Variants in TICAM2 observed in about 807,000 individuals in gnomAD.
TICAM2 encodes the protein TIR domain containing adaptor molecule 2, also known as TIR domain-containing adapter molecule 2.
TICAM2 carries 8 observed loss-of-function variants against 7.3 expected under a neutral mutation model. That is an observed-to-expected ratio of 1.10 (90% CI 0.65 to 1.99). The LOEUF (loss-of-function observed/expected upper bound fraction) is 1.99. Ranked by LOEUF, TICAM2 falls within the 30% of genes most tolerant of loss-of-function variation. The pLI is 0.00. For synonymous variants in TICAM2, 113 were observed against 99.6 expected (o/e 1.13, Z -0.80); for missense variants, 304 against 278.8 (o/e 1.09, Z -0.65).
At chr5:115,588,148 G>A (rs1246131040) in intron 1 of TICAM2, among the ~76,000 whole-genome samples, 2 of 152,202 alleles carry the variant, frequency 1.3e-5, no homozygotes, top group Non-Finnish European at 2.9e-5. Context: ...GCAGGGTCAG[G>A]AGAGGCTTTC....
At chr5:115,588,165 A>G (rs1320546273) in intron 1 of TICAM2, among the ~76,000 whole-genome samples, 2 of 152,218 alleles carry the variant, frequency 1.3e-5, no homozygotes, top group Non-Finnish European at 1.5e-5. Flanking sequence ...TTTCATTAAG[A>G]GAAGATACTT....
chr5:115,584,906 G>A (rs1031675838), intron 1 of TICAM2, among the ~76,000 whole-genome samples: 3 of 151,840 alleles, frequency 2.0e-5, no homozygotes, highest in Non-Finnish European at 4.4e-5. Context: ...AACAGAAGAG[G>A]AATGAAAAAA....
rs1011692681 is a variant in TICAM2 at position 115,579,283 on chromosome 5, T to C, written c.*1266A>G. ...TGTTCCCTTTTGTGGTCCCTAGTTTTTCACATCCTCATAGAGGACAAAAGC... is the reference window on the plus strand; with the variant it reads ...TGTTCCCTTTTGTGGTCCCTAGTTTCTCACATCCTCATAGAGGACAAAAGC... On this transcript the variant is annotated 3_prime_UTR_variant, in exon 2 of 2. Coordinates refer to ENST00000427199, the MANE Select transcript of TICAM2 (RefSeq NM_021649.7). 2.0e-5 allele frequency: 3 copies of C among 152,676 alleles called. No individual in the cohort carries two copies. The highest frequency in any genetic ancestry group is 4.4e-5 in the Non-Finnish European group (3 of 68,046). The allele number at this position is 152,676 out of a possible 1,614,324, so 9.5% of individuals were successfully genotyped here. A position where few individuals can be genotyped will look rare whatever the true frequency, so the allele number is the denominator to read the frequency against.
chr5:115,599,348 T>C (rs1217410012), intron 1 of TICAM2, among the ~76,000 whole-genome samples: 2 of 152,146 alleles, frequency 1.3e-5, no homozygotes, highest in African/African-American at 2.4e-5. Flanking sequence ...GTGAACTGGA[T>C]ATTTTTCTTC....
rs1210440762 is a variant in TICAM2 at position 115,580,404 on chromosome 5, GA to G, written c.*144del. The G allele has an allele frequency of 2.7e-6, 3 of 1,106,342 alleles. No individual in the cohort carries two copies. In the African/African-American group the frequency reaches 5.0e-5, roughly 18 times the overall value. The allele number at this position is 1,106,342 out of a possible 1,614,324, so 68.5% of individuals were successfully genotyped here. A position where few individuals can be genotyped will look rare whatever the true frequency, so the allele number is the denominator to read the frequency against. On this transcript the variant is annotated 3_prime_UTR_variant, in exon 2 of 2. Coordinates refer to ENST00000427199, the MANE Select transcript of TICAM2 (RefSeq NM_021649.7). Reference sequence around the variant, plus strand: ...CCACAATTTTATAGGCTGTCCTGCAGAAATTTATCTTTCTTGTGCTCCATAG... The same window carrying G: ...CCACAATTTTATAGGCTGTCCTGCAGAATTTATCTTTCTTGTGCTCCATAG...
At chr5:115,595,881 A>G (rs1040460886) in intron 1 of TICAM2, among the ~76,000 whole-genome samples, 2 of 152,144 alleles carry the variant, frequency 1.3e-5, no homozygotes, top group African/African-American at 4.8e-5. Flanking sequence ...ATTTCCTTTT[A>G]TCTCCAAGTT....
Position 115,580,535 on chromosome 5 carries a change from TTA to T in TICAM2, c.*12_*13del, listed in dbSNP as rs745494483. ...TTACAAAACAAGAGCCAGCCACATG[TTA>T]TATGTTTCATCTCAGGCAATAAATT... is the stretch of plus-strand genomic sequence containing the variant. On this transcript the variant is annotated 3_prime_UTR_variant, in exon 2 of 2. Coordinates refer to ENST00000427199, the MANE Select transcript of TICAM2 (RefSeq NM_021649.7). The T allele has an allele frequency of 6.4e-7, 1 of 1,569,818 alleles. No homozygotes were observed. Among genetic ancestry groups the T allele is most frequent in the East Asian group, 2.3e-5 (1 of 44,104 alleles).
intron 1 of TICAM2, among the ~76,000 whole-genome samples, chr5:115,597,218 G>A (rs920105061): frequency 1.3e-5 from 2 of 152,128 alleles, no homozygotes; most frequent in Admixed American, 6.5e-5. Flanking sequence ...CTTTCTTTTA[G>A]AGAGCCTCTA....
At chr5:115,596,833 G>C (rs1344670280) in intron 1 of TICAM2, among the ~76,000 whole-genome samples, 1 of 152,102 alleles carries the variant, frequency 6.6e-6, no homozygotes, top group Non-Finnish European at 1.5e-5. Flanking sequence ...GCAGGAGAAT[G>C]GCGTGAACCT....
At chr5:115,593,686 T>G (rs1207211516) in intron 1 of TICAM2, among the ~76,000 whole-genome samples, 1 of 152,328 alleles carries the variant, frequency 6.6e-6, no homozygotes, top group East Asian at 1.9e-4. Context: ...TTCCAGAATT[T>G]CTATGGAAAT....
chr5:115,595,224 GTCAA>G (rs1755464490), intron 1 of TICAM2, among the ~76,000 whole-genome samples: 1 of 152,276 alleles, frequency 6.6e-6, no homozygotes, highest in East Asian at 1.9e-4. Context: ...CAATCAATCA[GTCAA>G]TCAATCTTTC....
chr5:115,596,876 G>A (rs576809344), intron 1 of TICAM2, among the ~76,000 whole-genome samples: 2 of 152,280 alleles, frequency 1.3e-5, no homozygotes, highest in East Asian at 3.9e-4. Flanking sequence ...CCGAGATCAC[G>A]CCACTGCACA....
At chr5:115,589,591 A>G (rs1019455603) in intron 1 of TICAM2, among the ~76,000 whole-genome samples, 1 of 152,262 alleles carries the variant, frequency 6.6e-6, no homozygotes, top group South Asian at 2.1e-4. Flanking sequence ...GCATTTATTT[A>G]CAGTTAGAGT....
chr5:115,586,043 G>A (rs1023391831), intron 1 of TICAM2, among the ~76,000 whole-genome samples: 4 of 152,190 alleles, frequency 2.6e-5, no homozygotes, highest in Non-Finnish European at 5.9e-5. Context: ...AGTCTGGAGT[G>A]TAGGAGAAAG....
intron 1 of TICAM2, among the ~76,000 whole-genome samples, chr5:115,588,707 C>T (rs548061644): frequency 1.2e-4 from 18 of 152,276 alleles, no homozygotes; most frequent in African/African-American, 4.1e-4. Flanking sequence ...GTTTCCTAAA[C>T]GTAATTTAAG....
rs746919981 is a variant in TICAM2 at position 115,581,153 on chromosome 5, T to C, written c.104A>G (p.Lys35Arg). 16 of 1,613,914 alleles carry C rather than the reference T, an allele frequency of 9.9e-6. No individual in the cohort carries two copies. Among genetic ancestry groups the C allele is most frequent in the Admixed American group, 6.7e-5 (4 of 60,000 alleles). The part of the protein sequence containing the change: ...TSPGYHESDS[K>R]KSEDLSLCNV... The stretch of plus-strand genomic sequence containing the variant: ...ACACAAGGATAGATCTTCAGACTTC[T>C]TGGAATCTGACTCATGATATCCTGG... Residue 35 changes from lysine to arginine, a missense_variant, in exon 2 of 2, where the codon AAG becomes AGG. Lys to Arg is a conservative substitution (Grantham distance 26). Transcript: ENST00000427199.
At chr5:115,591,841 A>T (rs1298868241) in intron 1 of TICAM2, among the ~76,000 whole-genome samples, 1 of 152,192 alleles carries the variant, frequency 6.6e-6, no homozygotes, top group Non-Finnish European at 1.5e-5. Flanking sequence ...CCAAATGAAA[A>T]GAGAGAGAAT....
At position 115,596,620 on chromosome 5, in the gene TICAM2, C is replaced by A. The variant is rs1172463546; in HGVS notation, c.-60+5477G>T. Among the ~76,000 whole-genome samples, 3 of 152,048 alleles carry A rather than the reference C, an allele frequency of 2.0e-5. No individual in the cohort carries two copies. In the East Asian group the frequency reaches 5.8e-4, roughly 29 times the overall value. On this transcript the variant is annotated intron_variant, in intron 1 of 1. Transcript: ENST00000427199. ...TAACCAGAACTATCATAAAAGTCTC[C>A]CCAAAAACCAGAACCTTGGCTGGGC... is the stretch of plus-strand genomic sequence containing the variant.
At chr5:115,588,723 C>T (rs1024232694) in intron 1 of TICAM2, among the ~76,000 whole-genome samples, 7 of 152,204 alleles carry the variant, frequency 4.6e-5, no homozygotes, top group East Asian at 3.8e-4. Flanking sequence ...TTAAGTTCAG[C>T]ATCAGATGTA....
Sources: gnomAD v4.1 joint callset for allele counts (sites outside exome capture counted in the v4.1 genomes callset) on GRCh38, gnomAD v4.1.1 for gene constraint, MANE v1.5 for transcripts, NCBI Gene and HGNC (gene_info 2026-07-23, HGNC 2026-07-21) for gene names.